Variants in HIF1A observed in about 807,000 individuals in gnomAD.
HIF1A encodes the protein hypoxia-inducible factor 1-alpha.
Under a neutral mutation model 92.7 loss-of-function variants are expected in HIF1A, and 24 were observed. That is an observed-to-expected ratio of 0.26 (90% CI 0.19 to 0.36). The LOEUF (loss-of-function observed/expected upper bound fraction) is 0.36, where lower values mean the gene tolerates loss of function less well. HIF1A is among the 10% of genes least tolerant of loss of function. The pLI is 1.00. For synonymous variants in HIF1A, 319 were observed against 338.7 expected (o/e 0.94, Z 0.64); for missense variants, 799 against 998.5 (o/e 0.80, Z 2.69).
At chr14:61,728,538 AT>A (rs2044535824) in intron 6 of HIF1A, among the ~76,000 whole-genome samples, 1 of 152,252 alleles carries the variant, frequency 6.6e-6, no homozygotes, top group African/African-American at 2.4e-5. Context: ...TATAATGCTT[AT>A]TGTGGTTTAA....
intron 8 of HIF1A, 147 bp downstream of exon 8, chr14:61,734,432 C>T: frequency 1.6e-6 from 1 of 609,952 alleles, no homozygotes; most frequent in Non-Finnish European, 2.7e-6. Flanking sequence ...TTTCTATACT[C>T]TGACCTAGGT....
chr14:61,696,804 A>C (rs1446022839), intron 1 of HIF1A, among the ~76,000 whole-genome samples: 1 of 152,256 alleles, frequency 6.6e-6, no homozygotes, highest in Non-Finnish European at 1.5e-5. Context: ...CCTGAAATTG[A>C]AGTATATTAA....
intron 12 of HIF1A, among the ~76,000 whole-genome samples, chr14:61,744,203 G>C (rs1326838989): frequency 1.3e-5 from 2 of 152,066 alleles, no homozygotes; most frequent in Admixed American, 1.3e-4. Flanking sequence ...TTATAAAATA[G>C]GGATACGCAT....
At position 61,708,361 on chromosome 14, in the gene HIF1A, A is replaced by G. The variant is rs538464172; in HGVS notation, c.36-12021A>G. 5.8e-4 allele frequency among the ~76,000 whole-genome samples: 88 copies of G among 152,212 alleles called. No individual in the cohort carries two copies. In the Middle Eastern group the frequency reaches 0.017, roughly 29 times the overall value. ...TGTTGCCATGGCTTTTGGTGTTTTA[A>G]ACATGAAGTCCTTGCCCATGCCTAT... On this transcript the variant is annotated intron_variant, in intron 1 of 14. Coordinates refer to ENST00000337138, the MANE Select transcript of HIF1A (RefSeq NM_001530.4).
chr14:61,724,161 CT>C (rs1439063625), intron 4 of HIF1A, among the ~76,000 whole-genome samples: 1 of 150,548 alleles, frequency 6.6e-6, no homozygotes, highest in African/African-American at 2.4e-5. Context: ...AACACTAGTA[CT>C]TTTCAGTTAC....
At chr14:61,720,110 A>G (rs904336475) in intron 1 of HIF1A, among the ~76,000 whole-genome samples, 2 of 152,148 alleles carry the variant, frequency 1.3e-5, no homozygotes, top group African/African-American at 4.8e-5. Context: ...CTCCAATTAC[A>G]TATGCTGGGG....
Position 61,745,704 on chromosome 14 carries a change from AGCAGCCAGACGATCAT to A in HIF1A, c.2222_2237del (p.Pro741LeufsTer10). On this transcript the variant is annotated frameshift_variant, in exon 14 of 15. Transcript: ENST00000337138. LOFTEE classifies it high-confidence loss of function. ...TACTGTTTATAGGGAACATTATTAC[AGCAGCCAGACGATCAT>A]GCAGCTACTACATCACTTTCTTGGA... The A allele has an allele frequency of 6.2e-7, 1 of 1,613,570 alleles. No individual in the cohort carries two copies. The highest frequency in any genetic ancestry group is 8.5e-7 in the Non-Finnish European group (1 of 1,179,606).
Position 61,721,835 on chromosome 14 carries a change from C to A in HIF1A, c.457+12C>A. 6.3e-7 allele frequency: 1 copy of A among 1,588,008 alleles called. No individual in the cohort carries two copies. Among genetic ancestry groups the A allele is most frequent in the Non-Finnish European group, 8.6e-7 (1 of 1,156,658 alleles). On this transcript the variant is annotated intron_variant, in intron 4 of 14. Transcript: ENST00000337138. ...TACACACAGAAATGGTAAGAAAAGT[C>A]TGTTGTTTGATTTAATGTGACAGGT...
chr14:61,723,923 CTT>C (rs771614080), intron 4 of HIF1A, among the ~76,000 whole-genome samples: 5 of 152,126 alleles, frequency 3.3e-5, no homozygotes, highest in Non-Finnish European at 5.9e-5. Flanking sequence ...AGATTTTTCT[CTT>C]TTAGAAATCA....
intron 1 of HIF1A, among the ~76,000 whole-genome samples, chr14:61,717,576 T>C (rs551383770): frequency 6.6e-5 from 10 of 152,340 alleles, no homozygotes; most frequent in Admixed American, 3.9e-4. Flanking sequence ...TTAAATATAC[T>C]GTCCTTTAGA....
intron 1 of HIF1A, among the ~76,000 whole-genome samples, chr14:61,711,658 C>T (rs2044310046): frequency 6.6e-6 from 1 of 152,118 alleles, no homozygotes; most frequent in Admixed American, 6.5e-5. Flanking sequence ...TTTTCTACTT[C>T]AGGAAGATGA....
At chr14:61,744,656 A>AT (rs752667598) in intron 12 of HIF1A, 49 bp from the exon 13 acceptor site, 40 of 763,358 alleles carry the variant, frequency 5.2e-5, no homozygotes, top group Admixed American at 1.3e-4. Context: ...CTCACTGGAT[A>AT]TTTTTTTTAA....
chr14:61,744,230 T>A (rs1223905196), intron 12 of HIF1A, among the ~76,000 whole-genome samples: 1 of 152,152 alleles, frequency 6.6e-6, no homozygotes, highest in African/African-American at 2.4e-5. Context: ...GAAAATTTCC[T>A]GTTAAATTAA....
Position 61,740,599 on chromosome 14 carries a change from C to G in HIF1A, c.1631C>G (p.Thr544Arg), listed in dbSNP as rs748009728. The change falls in exon 11 of 15, where the codon ACA becomes AGA. Residue 544 changes from threonine (T) to arginine (R), a missense_variant. Thr to Arg is a moderately conservative substitution (Grantham distance 71). This residue lies in a region of HIF1A where 516 missense variants were observed against 721.0 expected (regional missense o/e 0.72). Coordinates refer to ENST00000337138, the MANE Select transcript of HIF1A (RefSeq NM_001530.4). ...ELVEKLFAED[T>R]EAKNPFSTQD... is the part of the protein sequence containing the mutation. ...GTAGAAAAACTTTTTGCTGAAGACA[C>G]AGAAGCAAAGAACCCATTTTCTACT... is the stretch of plus-strand genomic sequence containing the variant. 8.1e-6 allele frequency: 13 copies of G among 1,608,596 alleles called. No individual in the cohort carries two copies. In the East Asian group the frequency reaches 2.7e-4, roughly 33 times the overall value.
At chr14:61,727,699 T>A in intron 6 of HIF1A, 44 bp downstream of exon 6, 1 of 1,317,424 alleles carries the variant, frequency 7.6e-7, no homozygotes, top group Non-Finnish European at 1.1e-6. Flanking sequence ...TTAATTAGTC[T>A]ACAGCATTAC....
chr14:61,737,955 A>T, intron 9 of HIF1A, 132 bp from the exon 10 acceptor site: 1 of 627,108 alleles, frequency 1.6e-6, no homozygotes, highest in Non-Finnish European at 2.7e-6. Flanking sequence ...TGAACCTGGG[A>T]GGCAGAGGTT....
chr14:61,707,059 G>A (rs72714566), intron 1 of HIF1A, among the ~76,000 whole-genome samples: 5,992 of 152,254 alleles, frequency 0.039, 153 homozygotes, highest in East Asian at 0.15. Flanking sequence ...AAGCATTTGG[G>A]TAGGTTTTTT....
intron 1 of HIF1A, among the ~76,000 whole-genome samples, chr14:61,699,230 T>A (rs1190408317): frequency 4.6e-5 from 7 of 152,204 alleles, no homozygotes; most frequent in Admixed American, 3.9e-4. Context: ...TATTTTAGAC[T>A]GAGAAAGTAT....
chr14:61,703,357 A>G (rs1054284521), intron 1 of HIF1A, among the ~76,000 whole-genome samples: 2 of 152,220 alleles, frequency 1.3e-5, no homozygotes, highest in Non-Finnish European at 2.9e-5. Context: ...TCTTATTGCA[A>G]GTAGCAAAAT....
Sources: gnomAD v4.1 joint callset for allele counts (sites outside exome capture counted in the v4.1 genomes callset) on GRCh38, gnomAD v4.1.1 for gene constraint, gnomAD v4.1.1 regional missense constraint, MANE v1.5 for transcripts, NCBI Gene and HGNC (gene_info 2026-07-23, HGNC 2026-07-21) for gene names.